PTPRN2: variants seen among roughly 807,000 people sequenced by gnomAD.
The protein encoded by PTPRN2 is protein tyrosine phosphatase receptor type N2, also known as receptor-type tyrosine-protein phosphatase N2.
PTPRN2 carries 74 observed loss-of-function variants against 118.8 expected under a neutral mutation model. The observed-to-expected ratio is 0.62, with a 90% confidence interval of 0.52 to 0.76. The LOEUF is 0.76. Ranked by LOEUF, PTPRN2 falls within the 30% of genes least tolerant of loss-of-function variation. PTPRN2 has a pLI of 0.00. For missense variants in PTPRN2, 1,481 were observed against 1,394.4 expected, an observed-to-expected ratio of 1.06 and a Z score of -0.99; for synonymous variants, 641 against 608.0, an observed-to-expected ratio of 1.05 and a Z score of -0.80.
At position 158,130,810 on chromosome 7, in the gene PTPRN2, A is replaced by T. The variant is rs533644680; in HGVS notation, c.1556+2867T>A. Among the ~76,000 whole-genome samples, 6 of 151,598 alleles carry T rather than the reference A, an allele frequency of 4.0e-5. No individual in the cohort carries two copies. In the South Asian group the frequency reaches 1.3e-3, roughly 32 times the overall value. Reference sequence around the variant, plus strand: ...GCACAAACCAATACTCATCTACCCAACACACACACATACACACACGTACAT... The same window carrying T: ...GCACAAACCAATACTCATCTACCCATCACACACACATACACACACGTACAT... On this transcript the variant is annotated intron_variant, in intron 9 of 22. Transcript: ENST00000389418.
At chr7:157,578,207 T>C in intron 17 of PTPRN2, 67 bp from the exon 18 acceptor site, 1 of 1,517,092 alleles carries the variant, frequency 6.6e-7, no homozygotes, top group Non-Finnish European at 8.9e-7. Context: ...GTGTAATTAC[T>C]GCACTCGGAA....
At chr7:158,365,464 C>T (rs1478712881) in intron 2 of PTPRN2, among the ~76,000 whole-genome samples, 1 of 152,178 alleles carries the variant, frequency 6.6e-6, no homozygotes, top group Non-Finnish European at 1.5e-5. Context: ...CATCGATTCC[C>T]TGATATTCAG....
intron 1 of PTPRN2, among the ~76,000 whole-genome samples, chr7:158,507,391 A>ATG (rs1822831246): frequency 2.3e-5 from 3 of 132,226 alleles, no homozygotes; most frequent in Middle Eastern, 5.1e-3. Flanking sequence ...ACAGCCCCGC[A>ATG]CTAGGCAGGA....
In PTPRN2 at chr7:157,609,668, G is replaced by A. The variant is rs1041830901; in HGVS notation, c.2345-5593C>T. Among the ~76,000 whole-genome samples the A allele has an allele frequency of 3.3e-5, 5 of 152,146 alleles. No homozygotes were observed. Among genetic ancestry groups the A allele is most frequent in the East Asian group, 1.9e-4 (1 of 5,178 alleles). On this transcript the variant is annotated intron_variant, in intron 15 of 22. Coordinates refer to ENST00000389418, the MANE Select transcript of PTPRN2 (RefSeq NM_002847.5). This position sits in a 1 kb window ranked among gnomAD's most constrained non-coding sequence, Gnocchi z 4.9. ...ATCCTGGGTAAACTGTTCAGTGTTC[G>A]GAGAATGCAGGATGATAACATACAA...
intron 3 of PTPRN2, among the ~76,000 whole-genome samples, chr7:158,308,240 T>C (rs1031672243): frequency 2.6e-5 from 4 of 152,132 alleles, no homozygotes; most frequent in Non-Finnish European, 4.4e-5. Flanking sequence ...AACCAAGAAT[T>C]CTATATTCAG....
intron 2 of PTPRN2, among the ~76,000 whole-genome samples, chr7:158,400,817 T>C (rs922861241): frequency 6.6e-6 from 1 of 152,038 alleles, no homozygotes; most frequent in African/African-American, 2.4e-5. Context: ...ATGCCTGCCA[T>C]GCAGCTGAGA....
At chr7:158,171,093 T>TATATATACACAC (rs1823533427) in intron 5 of PTPRN2, among the ~76,000 whole-genome samples, 1 of 128,408 alleles carries the variant, frequency 7.8e-6, no homozygotes, top group South Asian at 2.5e-4. Flanking sequence ...TATACACACA[T>TATATATACACAC]ATATATATAC....
chr7:158,071,583 C>CTCCTGG lies in PTPRN2; in HGVS notation c.1723+9714_1723+9715insCCAGGA, dbSNP rs1563392166. 1.4e-3 allele frequency among the ~76,000 whole-genome samples: 15 copies of CTCCTGG among 10,658 alleles called. 1 individual carries two copies. Among genetic ancestry groups the CTCCTGG allele is most frequent in the Non-Finnish European group, 1.7e-3 (10 of 5,998 alleles). 7.0% of individuals were successfully genotyped at this position (10,658 alleles called of 152,430 possible). A position where few individuals can be genotyped will look rare whatever the true frequency, so the allele number is the denominator to read the frequency against. On this transcript the variant is annotated intron_variant, in intron 11 of 22. Transcript: ENST00000389418. ...GGAGGTGCTCCTGGTGGAGGTGCTC[C>CTCCTGG]TGGTGGAGGTGCTCCTGGTGGAGGT...
intron 14 of PTPRN2, among the ~76,000 whole-genome samples, chr7:157,643,479 C>T (rs1804831176): frequency 1.3e-5 from 2 of 152,220 alleles, no homozygotes; most frequent in East Asian, 1.9e-4. Context: ...ATCCACAGAG[C>T]GCTGCAAGGG....
intron 21 of PTPRN2, among the ~76,000 whole-genome samples, chr7:157,563,513 A>G (rs1459971658): frequency 3.2e-4 from 32 of 99,804 alleles, no homozygotes; most frequent in African/African-American, 8.0e-4. Flanking sequence ...GTGGTCCCGC[A>G]TCACCACACA....
intron 11 of PTPRN2, among the ~76,000 whole-genome samples, chr7:157,951,000 T>C (rs1005017636): frequency 6.6e-6 from 1 of 152,214 alleles, no homozygotes; most frequent in Non-Finnish European, 1.5e-5. Flanking sequence ...TATTCCCAGC[T>C]GGTTGACCTT....
chr7:157,997,194 C>T (rs1033630012), intron 11 of PTPRN2, among the ~76,000 whole-genome samples: 9 of 152,228 alleles, frequency 5.9e-5, no homozygotes, highest in East Asian at 1.9e-4. Context: ...TGAGTGCCCA[C>T]GTGCCCTGCG....
intron 12 of PTPRN2, among the ~76,000 whole-genome samples, chr7:157,711,788 C>T (rs2707939): frequency 0.093 from 14,053 of 151,842 alleles, 883 homozygotes; most frequent in Admixed American, 0.19. Flanking sequence ...CTCCCATGGC[C>T]GTCATTTTCT....
chr7:158,282,405 G>A (rs115294955), intron 3 of PTPRN2, among the ~76,000 whole-genome samples: 313 of 152,346 alleles, frequency 2.1e-3, no homozygotes, highest in African/African-American at 7.3e-3. Context: ...GAAGTACTGC[G>A]GGGCCATGCG....
At chr7:158,468,625 G>A (rs1032830049) in intron 2 of PTPRN2, among the ~76,000 whole-genome samples, 2 of 152,198 alleles carry the variant, frequency 1.3e-5, no homozygotes, top group African/African-American at 4.8e-5. Flanking sequence ...GAAATCCAAC[G>A]TGCACAGAGC....
At chr7:158,550,693 G>A (rs1190335935) in intron 1 of PTPRN2, among the ~76,000 whole-genome samples, 1 of 152,222 alleles carries the variant, frequency 6.6e-6, no homozygotes, top group Admixed American at 6.5e-5. Context: ...TTTACTTGAG[G>A]TGGCTTTGTT....
In PTPRN2 at chr7:158,073,743, G is replaced by A. The variant is rs1227067133; in HGVS notation, c.1723+7555C>T. On this transcript the variant is annotated intron_variant, in intron 11 of 22. Transcript: ENST00000389418. ...CCTTTCTATTCAGAGGTGAGGGAAA[G>A]AGTGGAAACAGCATTCGCTTATGGA... 2.6e-5 allele frequency among the ~76,000 whole-genome samples: 4 copies of A among 152,190 alleles called. No individual in the cohort carries two copies. In the East Asian group the frequency reaches 5.8e-4, roughly 22 times the overall value.
chr7:157,888,814 G>A (rs560659626), intron 12 of PTPRN2, among the ~76,000 whole-genome samples: 4 of 152,246 alleles, frequency 2.6e-5, no homozygotes, highest in South Asian at 2.1e-4. Context: ...GTGTGTAAAC[G>A]CCTTTCCTTT....
chr7:158,471,892 C>T (rs995540027), intron 2 of PTPRN2, among the ~76,000 whole-genome samples: 18 of 152,200 alleles, frequency 1.2e-4, no homozygotes, highest in Non-Finnish European at 1.8e-4. Flanking sequence ...CCCGTTCTGT[C>T]GGCTGAGACC....
Sources: allele counts gnomAD v4.1 joint callset (sites outside exome capture counted in the v4.1 genomes callset), GRCh38; gene constraint gnomAD v4.1.1; non-coding constraint Gnocchi (gnomAD v3.1); transcripts MANE v1.5; gene names NCBI Gene and HGNC (gene_info 2026-07-23, HGNC 2026-07-21).